Variants in ANKRD11 observed in about 807,000 individuals in gnomAD.
ANKRD11 encodes the protein ankyrin repeat domain-containing protein 11.
A neutral mutation model predicts 195.7 loss-of-function variants in ANKRD11; 17 were observed. That is an observed-to-expected ratio of 0.09 (90% CI 0.06 to 0.13). The LOEUF is 0.13. Ranked by LOEUF, ANKRD11 falls within the 10% of genes least tolerant of loss-of-function variation. The pLI is 1.00. For missense variants in ANKRD11, 3,735 were observed against 3,566.1 expected (o/e 1.05, Z -1.21); for synonymous variants, 1,953 against 1,528.1 (o/e 1.28, Z -6.49).
rs545825141 is a variant in ANKRD11 at position 89,365,616 on chromosome 16, T to C, written c.-59-48538A>G. On this transcript the variant is annotated intron_variant, in intron 2 of 12. Transcript: ENST00000301030. ...ATAATTGAAAAAGAGGTATGTTCAC[T>C]CAAGAAAGGGAAGAGCAGTAAGCCA... Among the ~76,000 whole-genome samples the C allele has an allele frequency of 7.4e-4, 113 of 152,334 alleles. 1 individual carries two copies. Among genetic ancestry groups the C allele is most frequent in the African/African-American group, 2.6e-3 (107 of 41,570 alleles).
rs1428932974 is a variant in ANKRD11, at chr16:89,281,256, G to C, written c.5286C>G (p.Asp1762Glu). ...GCCCACTTGAAGCCACGGAGAACCTGTCGAAAAAGGAGGGGGAGCAGGCGC... is the reference window on the plus strand; with the variant it reads ...GCCCACTTGAAGCCACGGAGAACCTCTCGAAAAAGGAGGGGGAGCAGGCGC... ...PTSACSPSFFDRFSVASSGLS... is the reference protein window; with the variant it reads ...PTSACSPSFFERFSVASSGLS... The change falls in exon 9 of 13, where the codon GAC becomes GAG. Residue 1762 changes from aspartate to glutamate, a missense_variant. Physicochemically the swap from Asp to Glu is conservative, Grantham distance 45 (BLOSUM62 2). Transcript: ENST00000301030. The surrounding 1 kb of genome is among the most constrained non-coding windows in gnomAD (Gnocchi z 5.5). The C allele has an allele frequency of 6.2e-7, 1 of 1,614,228 alleles. No homozygotes were observed. Among genetic ancestry groups the C allele is most frequent in the Non-Finnish European group, 8.5e-7 (1 of 1,180,046 alleles).
Position 89,280,298 on chromosome 16 carries a change from C to T in ANKRD11, c.6244G>A (p.Glu2082Lys), listed in dbSNP as rs1239700248. 3.1e-6 allele frequency: 5 copies of T among 1,597,022 alleles called. No individual in the cohort carries two copies. Among genetic ancestry groups the T allele is most frequent in the East Asian group, 2.2e-5 (1 of 44,618 alleles). Residue 2082 changes from glutamate to lysine, a missense_variant, in exon 9 of 13, where the codon GAG (glutamate) becomes AAG (lysine). Glu to Lys is a moderately conservative substitution (Grantham distance 56). Transcript: ENST00000301030. ...LPEAPLDVAP[E>K]PACVAAVAQV... is the part of the protein sequence containing the mutation. ...GCCACAGCGGCTACACAGGCGGGCTCGGGGGCCACGTCCAGCGGGGCTTCC... is the reference window on the plus strand; with the variant it reads ...GCCACAGCGGCTACACAGGCGGGCTTGGGGGCCACGTCCAGCGGGGCTTCC...
intron 1 of ANKRD11, among the ~76,000 whole-genome samples, chr16:89,463,224 A>C (rs991708344): frequency 3.3e-5 from 5 of 152,212 alleles, no homozygotes; most frequent in African/African-American, 1.2e-4. Flanking sequence ...GGTTTTGTGG[A>C]ATAGAAAGCG....
At chr16:89,409,871 G>T (rs1250219086) in intron 2 of ANKRD11, among the ~76,000 whole-genome samples, 1 of 142,264 alleles carries the variant, frequency 7.0e-6, no homozygotes, top group African/African-American at 3.1e-5. Context: ...TGGGAGTCTC[G>T]CTCTGTCGCC....
chr16:89,426,173 T>A (rs2042707119), intron 1 of ANKRD11, among the ~76,000 whole-genome samples: 1 of 152,048 alleles, frequency 6.6e-6, no homozygotes, highest in East Asian at 1.9e-4. Flanking sequence ...AAACAATTCG[T>A]GTTTGAAAGT....
intron 2 of ANKRD11, among the ~76,000 whole-genome samples, chr16:89,331,739 G>A (rs1400651822): frequency 1.3e-5 from 2 of 152,180 alleles, no homozygotes; most frequent in Non-Finnish European, 2.9e-5. Context: ...TCCTGCCTCA[G>A]CCTCCCAAAA....
At chr16:89,372,654 G>T (rs577666314) in intron 2 of ANKRD11, among the ~76,000 whole-genome samples, 15 of 152,056 alleles carry the variant, frequency 9.9e-5, no homozygotes, top group Non-Finnish European at 2.1e-4. Context: ...AAATTTTTTT[G>T]AAAACATGAA....
intron 2 of ANKRD11, chr16:89,373,053 T>A (rs2040264086): frequency 6.6e-6 from 1 of 152,264 alleles, no homozygotes; most frequent in African/African-American, 2.4e-5. Flanking sequence ...ACCGTTCCTC[T>A]GTCCCCATTG....
At chr16:89,324,305 G>C (rs2037558042) in intron 2 of ANKRD11, 1 of 1,271,836 alleles carries the variant, frequency 7.9e-7, no homozygotes, top group African/African-American at 1.5e-5. Context: ...CCACCCGACA[G>C]GAGCACGGAC....
chr16:89,436,079 T>C (rs1026894305), intron 1 of ANKRD11, among the ~76,000 whole-genome samples: 1 of 152,142 alleles, frequency 6.6e-6, no homozygotes, highest in African/African-American at 2.4e-5. Context: ...AAAGGAAAGA[T>C]TCCCCATTTG....
At chr16:89,310,555 G>A (rs1280931744) in intron 3 of ANKRD11, among the ~76,000 whole-genome samples, 3 of 152,156 alleles carry the variant, frequency 2.0e-5, no homozygotes, top group Admixed American at 6.5e-5. Context: ...AGTTTTGAGG[G>A]TTTCCTGATC....
At chr16:89,432,127 T>C (rs927203700) in intron 1 of ANKRD11, among the ~76,000 whole-genome samples, 2 of 152,020 alleles carry the variant, frequency 1.3e-5, no homozygotes, top group Non-Finnish European at 2.9e-5. Flanking sequence ...TTCCCCACAG[T>C]GCTAAGGGGA....
rs532695477 is a variant in ANKRD11 at position 89,279,752 on chromosome 16, G to A, written c.6790C>T (p.Pro2264Ser). Reference protein sequence around the residue: ...GDQGAEAEGPPAASLCAPDGP... With the variant: ...GDQGAEAEGPSAASLCAPDGP... Reference sequence around the variant, plus strand: ...TCAGGGGCACAGAGGGACGCGGCGGGGGGGCCTTCAGCCTCAGCCCCCTGG... The same window carrying A: ...TCAGGGGCACAGAGGGACGCGGCGGAGGGGCCTTCAGCCTCAGCCCCCTGG... Residue 2264 changes from proline (P) to serine (S), a missense_variant, in exon 9 of 13, where the codon CCC (proline) becomes TCC (serine). By Grantham distance (74) the Pro-to-Ser change is moderately conservative (BLOSUM62 -1). Transcript: ENST00000301030. This position sits in a 1 kb window ranked among gnomAD's most constrained non-coding sequence, Gnocchi z 5.6. 1 of 1,525,244 alleles carries A rather than the reference G, an allele frequency of 6.6e-7. No individual in the cohort carries two copies. Among genetic ancestry groups the A allele is most frequent in the African/African-American group, 1.4e-5 (1 of 72,928 alleles). 94.5% of individuals were successfully genotyped at this position (1,525,244 alleles called of 1,614,324 possible). A position where few individuals can be genotyped will look rare whatever the true frequency, so the allele number is the denominator to read the frequency against.
intron 2 of ANKRD11, among the ~76,000 whole-genome samples, chr16:89,379,707 T>A (rs932099447): frequency 3.3e-5 from 5 of 152,248 alleles, no homozygotes; most frequent in African/African-American, 1.2e-4. Flanking sequence ...AAGAGCTCCG[T>A]GCAGTGCACG....
rs768801003 is a variant in ANKRD11 at position 89,283,776 on chromosome 16, C to A, written c.2766G>T (p.Glu922Asp). The stretch of plus-strand genomic sequence containing the variant: ...GGACACTTTTATGCTTTTCGGTCTG[C>A]TCTTTCCTCTTCTCAGAGTTTTTAT... ...YLDKNSEKRK[E>D]QTEKHKSVPG... The change falls in exon 9 of 13, where the codon GAG becomes GAT. Residue 922 changes from glutamate to aspartate, a missense_variant. Coordinates refer to ENST00000301030, the MANE Select transcript of ANKRD11 (RefSeq NM_013275.6). The surrounding 1 kb of genome is among the most constrained non-coding windows in gnomAD (Gnocchi z 4.3). 4.3e-6 allele frequency: 7 copies of A among 1,613,430 alleles called. No homozygotes were observed. The African/African-American group carries it at 9.3e-5, about 22-fold the overall frequency.
At chr16:89,331,838 G>GT (rs1487650634) in intron 2 of ANKRD11, among the ~76,000 whole-genome samples, 1 of 152,176 alleles carries the variant, frequency 6.6e-6, no homozygotes, top group East Asian at 1.9e-4. Flanking sequence ...GGTTTTGAAT[G>GT]TTTTCGGCGG....
intron 1 of ANKRD11, chr16:89,443,214 C>T (rs561558245): frequency 1.4e-4 from 21 of 152,262 alleles, no homozygotes; most frequent in Non-Finnish European, 2.2e-4. Flanking sequence ...GATCTGCCCG[C>T]CCTGGCCTCC....
intron 2 of ANKRD11, among the ~76,000 whole-genome samples, chr16:89,414,350 G>A (rs2042212527): frequency 6.6e-6 from 1 of 152,096 alleles, no homozygotes; most frequent in Non-Finnish European, 1.5e-5. Context: ...CCCACATGTT[G>A]CAAGGGTCAG....
In ANKRD11 at chr16:89,291,859, C is replaced by T; in HGVS notation, c.227-676G>A. 1.1e-6 allele frequency: 1 copy of T among 925,298 alleles called. No individual in the cohort carries two copies. Among genetic ancestry groups the T allele is most frequent in the Admixed American group, 2.3e-5 (1 of 43,088 alleles). The allele number at this position is 925,298 out of a possible 1,614,324, so 57.3% of individuals were successfully genotyped here. A position where few individuals can be genotyped will look rare whatever the true frequency, so the allele number is the denominator to read the frequency against. On this transcript the variant is annotated intron_variant, in intron 4 of 12. Coordinates refer to ENST00000301030, the MANE Select transcript of ANKRD11 (RefSeq NM_013275.6). This position sits in a 1 kb window ranked among gnomAD's most constrained non-coding sequence, Gnocchi z 5.3. ...CACCTCAGCCTCCTCGTAACAAGCA[C>T]ACCCTGCACTCATCTGACCCGTTAC...
Sources: allele counts gnomAD v4.1 joint callset (sites outside exome capture counted in the v4.1 genomes callset), GRCh38; gene constraint gnomAD v4.1.1; non-coding constraint Gnocchi (gnomAD v3.1); transcripts MANE v1.5; gene names NCBI Gene and HGNC (gene_info 2026-07-23, HGNC 2026-07-21).